Variants in RGS7BP observed in about 807,000 individuals in gnomAD.
The protein encoded by RGS7BP is regulator of G protein signaling 7-binding protein.
RGS7BP carries 9 observed loss-of-function variants against 31.3 expected under a neutral mutation model. The ratio of observed to expected loss-of-function variants is 0.29; its 90% CI spans 0.17 to 0.50. RGS7BP has a LOEUF of 0.50. Among genes scored for constraint, RGS7BP ranks in the 20% least tolerant of loss-of-function variants. The probability of loss-of-function intolerance (pLI) is 0.98; values close to 1 mark genes in which losing one functional copy is unlikely to be tolerated. For synonymous variants in RGS7BP, 115 were observed against 120.1 expected (o/e 0.96, Z 0.28); for missense variants, 274 against 322.0 (o/e 0.85, Z 1.14).
intron 5 of RGS7BP, among the ~76,000 whole-genome samples, chr5:64,607,418 T>C (rs1237989093): frequency 6.6e-6 from 1 of 152,062 alleles, no homozygotes; most frequent in Non-Finnish European, 1.5e-5. Context: ...CATAAGACAT[T>C]AATCGATACA....
chr5:64,520,209 C>A (rs1040494676), intron 2 of RGS7BP, among the ~76,000 whole-genome samples: 26 of 152,138 alleles, frequency 1.7e-4, no homozygotes, highest in African/African-American at 6.0e-4. Flanking sequence ...TTCTTGCCAC[C>A]ATATTGGGCT....
intron 2 of RGS7BP, among the ~76,000 whole-genome samples, chr5:64,511,946 A>C (rs1428716634): frequency 6.6e-6 from 1 of 152,196 alleles, no homozygotes; most frequent in East Asian, 1.9e-4. Context: ...TGCCAGTCAG[A>C]GGCTGCTCTA....
chr5:64,598,071 A>G (rs1309321582), intron 4 of RGS7BP, among the ~76,000 whole-genome samples: 5 of 152,148 alleles, frequency 3.3e-5, no homozygotes, highest in Non-Finnish European at 7.4e-5. Flanking sequence ...CTCGTGACCA[A>G]TGGCTCTTCT....
chr5:64,565,054 A>C (rs551895623), intron 2 of RGS7BP, among the ~76,000 whole-genome samples: 12 of 152,134 alleles, frequency 7.9e-5, no homozygotes, highest in Admixed American at 2.0e-4. Context: ...TCTGCATCAA[A>C]CTATTATGAG....
intron 2 of RGS7BP, among the ~76,000 whole-genome samples, chr5:64,528,274 A>G (rs1303092073): frequency 6.6e-6 from 1 of 152,232 alleles, no homozygotes; most frequent in Non-Finnish European, 1.5e-5. Flanking sequence ...TCAGGAGGCC[A>G]GGGAGCCAGG....
intron 2 of RGS7BP, among the ~76,000 whole-genome samples, chr5:64,550,734 C>T (rs1741774179): frequency 1.4e-5 from 2 of 138,236 alleles, no homozygotes; most frequent in Admixed American, 7.3e-5. Context: ...TCCCCCCTCC[C>T]CCAACCCTGC....
chr5:64,589,358 G>A (rs914664167), intron 3 of RGS7BP, among the ~76,000 whole-genome samples: 1 of 151,954 alleles, frequency 6.6e-6, no homozygotes, highest in Non-Finnish European at 1.5e-5. Context: ...GTACAAGCTG[G>A]CAGAAACCAC....
chr5:64,594,508 T>C (rs9283704), intron 3 of RGS7BP, among the ~76,000 whole-genome samples: 9,837 of 152,222 alleles, frequency 0.065, 1,072 homozygotes, highest in African/African-American at 0.22. Flanking sequence ...TTTCCCGGAA[T>C]GTTGTGAAAA....
chr5:64,512,900 T>C (rs577648349), intron 2 of RGS7BP, among the ~76,000 whole-genome samples: 73 of 152,322 alleles, frequency 4.8e-4, no homozygotes, highest in African/African-American at 1.6e-3. Flanking sequence ...AGATTCTTCA[T>C]ATATCAAATA....
At chr5:64,586,647 C>G (rs902274143) in intron 3 of RGS7BP, among the ~76,000 whole-genome samples, 2 of 152,206 alleles carry the variant, frequency 1.3e-5, no homozygotes, top group African/African-American at 4.8e-5. Flanking sequence ...TACCTATTGT[C>G]CTCTCTAGAC....
chr5:64,574,951 T>C (rs1220990643), intron 2 of RGS7BP, among the ~76,000 whole-genome samples: 1 of 152,198 alleles, frequency 6.6e-6, no homozygotes, highest in Non-Finnish European at 1.5e-5. Context: ...CTCTAAACTT[T>C]ATCCCTTTTA....
At chr5:64,585,598 G>A (rs1239555770) in intron 3 of RGS7BP, among the ~76,000 whole-genome samples, 1 of 152,102 alleles carries the variant, frequency 6.6e-6, no homozygotes, top group Admixed American at 6.5e-5. Context: ...AGCTGCGAGT[G>A]CTCTATTGCA....
intron 2 of RGS7BP, among the ~76,000 whole-genome samples, chr5:64,558,649 G>A (rs1435406172): frequency 1.3e-5 from 2 of 152,096 alleles, no homozygotes. Context: ...AGGGAACAAG[G>A]GAGATAACCA....
intron 2 of RGS7BP, among the ~76,000 whole-genome samples, chr5:64,544,649 G>T (rs272642): frequency 0.24 from 36,818 of 151,792 alleles, 5,126 homozygotes; most frequent in South Asian, 0.37. Context: ...ACTCCAGCCG[G>T]GGCAACCAAG....
At chr5:64,517,774 G>A (rs905942818) in intron 2 of RGS7BP, among the ~76,000 whole-genome samples, 4 of 152,200 alleles carry the variant, frequency 2.6e-5, no homozygotes, top group Non-Finnish European at 5.9e-5. Context: ...GAAGTTAGGT[G>A]AGTTGGCTTT....
intron 3 of RGS7BP, among the ~76,000 whole-genome samples, chr5:64,586,742 AT>A (rs1742765456): frequency 6.6e-6 from 1 of 152,232 alleles, no homozygotes; most frequent in African/African-American, 2.4e-5. Flanking sequence ...ATTAATGGTT[AT>A]TGAATAAGTG....
intron 2 of RGS7BP, among the ~76,000 whole-genome samples, chr5:64,562,308 T>G (rs2111865721): frequency 6.6e-6 from 1 of 152,274 alleles, no homozygotes; most frequent in South Asian, 2.1e-4. Flanking sequence ...CTAGGCATAA[T>G]GTACAGAATT....
At chr5:64,590,517 C>G (rs572209279) in intron 3 of RGS7BP, among the ~76,000 whole-genome samples, 1 of 152,000 alleles carries the variant, frequency 6.6e-6, no homozygotes, top group Non-Finnish European at 1.5e-5. Flanking sequence ...TTTTCTAGGA[C>G]GAATGAATTA....
chr5:64,594,956 CAG>C, intron 4 of RGS7BP, 99 bp downstream of exon 4: 1 of 1,305,154 alleles, frequency 7.7e-7, no homozygotes. Flanking sequence ...GATTCAGAAA[CAG>C]AGCTTTCTTT....
Sources: gnomAD v4.1 joint callset for allele counts (sites outside exome capture counted in the v4.1 genomes callset) on GRCh38, gnomAD v4.1.1 for gene constraint, MANE v1.5 for transcripts, NCBI Gene and HGNC (gene_info 2026-07-23, HGNC 2026-07-21) for gene names.